Variants in ZNF143 observed in about 807,000 individuals in gnomAD.
The protein encoded by ZNF143 is zinc finger protein 143, also known as SPH-binding factor.
A neutral mutation model predicts 74.1 loss-of-function variants in ZNF143; 49 were observed. The observed-to-expected ratio is 0.66, with a 90% CI of 0.53 to 0.84. The LOEUF (loss-of-function observed/expected upper bound fraction) is 0.84. Among genes scored for constraint, ZNF143 ranks in the 40% least tolerant of loss-of-function variants. The pLI is 0.00. For synonymous variants in ZNF143, 304 were observed against 282.8 expected (o/e 1.07, Z -0.75); for missense variants, 637 against 793.4 (o/e 0.80, Z 2.37).
intron 7 of ZNF143, among the ~76,000 whole-genome samples, chr11:9,485,347 C>CTTTTTTTTTTT (rs544497040): frequency 9.1e-6 from 1 of 110,446 alleles, no homozygotes; most frequent in Non-Finnish European, 1.9e-5. Context: ...TTCTCTCTCT[C>CTTTTTTTTTTT]TTTTTTTTTT....
At chr11:9,499,553 A>ATT (rs1477752916) in intron 10 of ZNF143, among the ~76,000 whole-genome samples, 1 of 152,194 alleles carries the variant, frequency 6.6e-6, no homozygotes, top group East Asian at 1.9e-4. Flanking sequence ...GAAAAACAAC[A>ATT]AACTAGCCAG....
chr11:9,467,300 A>G (rs1856295253), intron 1 of ZNF143, among the ~76,000 whole-genome samples: 2 of 148,992 alleles, frequency 1.3e-5, no homozygotes, highest in South Asian at 2.1e-4. Context: ...CAGTGGCACC[A>G]TCTTGGCTCA....
At chr11:9,500,559 G>C (rs974383125) in intron 10 of ZNF143, among the ~76,000 whole-genome samples, 2 of 151,670 alleles carry the variant, frequency 1.3e-5, no homozygotes, top group Admixed American at 1.3e-4. Context: ...TCAGCCTCTC[G>C]AGTAGCTGGG....
chr11:9,471,083 G>T, intron 1 of ZNF143: 2 of 297,380 alleles, frequency 6.7e-6, no homozygotes, highest in Non-Finnish European at 1.2e-5. Flanking sequence ...GTTGCTAAGC[G>T]CACTGACAAA....
chr11:9,493,107 G>T (rs1298048129), intron 7 of ZNF143, among the ~76,000 whole-genome samples: 6 of 133,920 alleles, frequency 4.5e-5, no homozygotes, highest in African/African-American at 1.7e-4. Context: ...TTCTCACTCT[G>T]TCTCCAGGCT....
At chr11:9,519,629 C>T (rs11602025) in intron 14 of ZNF143, among the ~76,000 whole-genome samples, 7,677 of 152,254 alleles carry the variant, frequency 0.05, 266 homozygotes, top group South Asian at 0.076. Context: ...TTGATATATT[C>T]TCCCCTTGGT....
chr11:9,505,473 T>C (rs1485926576), intron 11 of ZNF143, among the ~76,000 whole-genome samples: 1 of 150,990 alleles, frequency 6.6e-6, no homozygotes, highest in Non-Finnish European at 1.5e-5. Context: ...TTTCACCATG[T>C]TGGCCCAGCT....
At chr11:9,489,649 G>C (rs1338019745) in intron 7 of ZNF143, among the ~76,000 whole-genome samples, 2 of 152,154 alleles carry the variant, frequency 1.3e-5, no homozygotes, top group Non-Finnish European at 2.9e-5. Context: ...GAGTCTCTCT[G>C]GAGTTATTTG....
intron 12 of ZNF143, among the ~76,000 whole-genome samples, chr11:9,509,471 A>G (rs1262225164): frequency 6.6e-6 from 1 of 152,244 alleles, no homozygotes; most frequent in East Asian, 1.9e-4. Context: ...ACATTGAATT[A>G]TTTCAGATAA....
intron 11 of ZNF143, among the ~76,000 whole-genome samples, chr11:9,503,726 T>C (rs1045771805): frequency 2.7e-5 from 4 of 149,942 alleles, no homozygotes; most frequent in Non-Finnish European, 4.4e-5. Context: ...CACTGCAGCC[T>C]CCGCCTGCCG....
intron 1 of ZNF143, chr11:9,471,098 G>T: frequency 2.9e-6 from 1 of 350,586 alleles, no homozygotes; most frequent in Non-Finnish European, 5.1e-6. Context: ...GACAAATTGT[G>T]CCCATCAGTT....
intron 1 of ZNF143, among the ~76,000 whole-genome samples, chr11:9,470,515 A>G (rs1490164469): frequency 1.3e-5 from 2 of 152,172 alleles, no homozygotes; most frequent in Non-Finnish European, 2.9e-5. Context: ...GGGAATGAAT[A>G]ATGAAGATAC....
intron 12 of ZNF143, among the ~76,000 whole-genome samples, chr11:9,509,061 T>C (rs1848455772): frequency 6.6e-6 from 1 of 152,026 alleles, no homozygotes; most frequent in Admixed American, 6.6e-5. Flanking sequence ...AAGGAAGGGA[T>C]TTTTGGAGAG....
At chr11:9,481,545 T>A (rs1273926997) in intron 7 of ZNF143, among the ~76,000 whole-genome samples, 1 of 152,142 alleles carries the variant, frequency 6.6e-6, no homozygotes, top group African/African-American at 2.4e-5. Context: ...GTTCTCTGTC[T>A]TATTGGTAAC....
intron 2 of ZNF143, among the ~76,000 whole-genome samples, chr11:9,471,915 T>C (rs1167770103): frequency 6.9e-6 from 1 of 144,664 alleles, no homozygotes; most frequent in Admixed American, 7.1e-5. Flanking sequence ...TTTCTTTTTC[T>C]TTTTCTTTTC....
At chr11:9,510,932 TATGCCATAC>T (rs1848518111) in intron 12 of ZNF143, among the ~76,000 whole-genome samples, 2 of 152,070 alleles carry the variant, frequency 1.3e-5, no homozygotes, top group African/African-American at 2.4e-5. Context: ...CCTCAGATAA[TATGCCATAC>T]ATTGTCTTTA....
At chr11:9,473,313 C>A (rs1856692053) in intron 3 of ZNF143, among the ~76,000 whole-genome samples, 1 of 151,658 alleles carries the variant, frequency 6.6e-6, no homozygotes. Flanking sequence ...GTCGCTTGAA[C>A]CCGGGAGGCA....
At chr11:9,515,451 C>T (rs924958627) in intron 13 of ZNF143, among the ~76,000 whole-genome samples, 2 of 151,126 alleles carry the variant, frequency 1.3e-5, no homozygotes, top group African/African-American at 2.4e-5. Flanking sequence ...AGATCGAGAC[C>T]GGCTTGTCTA....
rs148151820 is a variant in ZNF143, at chr11:9,497,733, G to A, written c.900G>A (p.Ser300=). 2.9e-5 allele frequency: 47 copies of A among 1,610,320 alleles called. No homozygotes were observed. The highest frequency in any genetic ancestry group is 4.4e-5 in the South Asian group (4 of 90,930). The part of the protein sequence containing the change: ...THTGEKPYRC[S]EDNCTKSFKT... ...CAGGAGAAAAGCCATATCGGTGTTC[G>A]GAAGATAATTGTACTAAATCTTTCA... The change falls in exon 10 of 16, where the codon TCG becomes TCA. Residue 300 remains serine, a synonymous_variant. Coordinates refer to ENST00000396602, the MANE Select transcript of ZNF143 (RefSeq NM_003442.6).
Sources: allele counts gnomAD v4.1 joint callset (sites outside exome capture counted in the v4.1 genomes callset), GRCh38; gene constraint gnomAD v4.1.1; transcripts MANE v1.5; gene names NCBI Gene and HGNC (gene_info 2026-07-23, HGNC 2026-07-21).